Variants in EPHA7 observed in about 807,000 individuals in gnomAD.
EPHA7 encodes the protein ephrin type-A receptor 7.
Under a neutral mutation model 112.6 loss-of-function variants are expected in EPHA7, and 25 were observed. The ratio of observed to expected loss-of-function variants is 0.22; its 90% confidence interval spans 0.16 to 0.31. The LOEUF is 0.31. EPHA7 is among the 10% of genes least tolerant of loss of function. The pLI is 1.00. For synonymous variants in EPHA7, 437 were observed against 406.5 expected (o/e 1.07, Z -0.90); for missense variants, 962 against 1,212.6 (o/e 0.79, Z 3.07).
intron 6 of EPHA7, among the ~76,000 whole-genome samples, chr6:93,270,160 G>A (rs893557381): frequency 1.3e-5 from 2 of 151,434 alleles, no homozygotes; most frequent in African/African-American, 4.8e-5. Context: ...AAACAACCCT[G>A]AATTTCTCAC....
intron 14 of EPHA7, among the ~76,000 whole-genome samples, chr6:93,250,301 T>C (rs1179531823): frequency 6.6e-6 from 1 of 152,148 alleles, no homozygotes; most frequent in Non-Finnish European, 1.5e-5. Context: ...AGTTTTCATT[T>C]ATTAGCCTAG....
chr6:93,300,106 G>A (rs768057394), intron 5 of EPHA7, among the ~76,000 whole-genome samples: 27 of 152,188 alleles, frequency 1.8e-4, no homozygotes, highest in Non-Finnish European at 3.2e-4. Context: ...ACAAACCTGC[G>A]CATGTATCCC....
intron 5 of EPHA7, among the ~76,000 whole-genome samples, chr6:93,332,304 TAATAA>T (rs1774634657): frequency 6.6e-6 from 1 of 151,686 alleles, no homozygotes; most frequent in African/African-American, 2.4e-5. Context: ...ATAAAAATGT[TAATAA>T]AATAAAATAA....
chr6:93,327,967 G>A (rs1183799297), intron 5 of EPHA7, among the ~76,000 whole-genome samples: 4 of 151,422 alleles, frequency 2.6e-5, no homozygotes, highest in African/African-American at 9.7e-5. Context: ...CTAACACAGT[G>A]TGTCCTTGCA....
chr6:93,379,619 C>T (rs16880204), intron 3 of EPHA7, among the ~76,000 whole-genome samples: 21,407 of 151,762 alleles, frequency 0.14, 1,987 homozygotes, highest in Middle Eastern at 0.21. Flanking sequence ...AAGGTTTATA[C>T]GGCCAGTGAT....
intron 3 of EPHA7, among the ~76,000 whole-genome samples, chr6:93,381,530 A>G (rs908798078): frequency 6.6e-6 from 1 of 152,196 alleles, no homozygotes; most frequent in African/African-American, 2.4e-5. Flanking sequence ...TACTTTTGGC[A>G]TCATAATTAA....
At chr6:93,303,765 T>C (rs934132826) in intron 5 of EPHA7, among the ~76,000 whole-genome samples, 3 of 152,150 alleles carry the variant, frequency 2.0e-5, no homozygotes, top group Admixed American at 1.3e-4. Context: ...GGTGAAGTTA[T>C]ATTTCTGAAG....
intron 3 of EPHA7, among the ~76,000 whole-genome samples, chr6:93,404,289 C>T (rs994570026): frequency 2.0e-5 from 3 of 151,912 alleles, no homozygotes; most frequent in Non-Finnish European, 2.9e-5. Flanking sequence ...AAGGTAGAGA[C>T]ACATATTTCG....
chr6:93,292,565 A>T (rs1772436870), intron 5 of EPHA7, among the ~76,000 whole-genome samples: 1 of 152,078 alleles, frequency 6.6e-6, no homozygotes, highest in African/African-American at 2.4e-5. Context: ...ATAAAAGGTT[A>T]TGGAGTACTA....
rs1774934207 is a variant in EPHA7 at position 93,337,509 on chromosome 6, T to C, written c.1324+19208A>G. On this transcript the variant is annotated intron_variant, in intron 5 of 16. Coordinates refer to ENST00000369303, the MANE Select transcript of EPHA7 (RefSeq NM_004440.4). Reference sequence around the variant, plus strand: ...TTTTGTTTACAAGAATGTATAAGTGTCAAAGGAAAGAAAATCTATTTTCAA... The same window carrying C: ...TTTTGTTTACAAGAATGTATAAGTGCCAAAGGAAAGAAAATCTATTTTCAA... Among the ~76,000 whole-genome samples the C allele has an allele frequency of 3.3e-5, 5 of 152,066 alleles. No homozygotes were observed. The South Asian group carries it at 1.0e-3, about 32-fold the overall frequency.
chr6:93,359,854 TAGAGAGAGAG>T (rs57690732), intron 3 of EPHA7, among the ~76,000 whole-genome samples: 5,128 of 125,266 alleles, frequency 0.041, 104 homozygotes, highest in East Asian at 0.081. Flanking sequence ...CAATAGATGA[TAGAGAGAGAG>T]AGAGAGAGAG....
rs1214794029 is a variant in EPHA7, at chr6:93,245,397, A to G, written c.2783T>C (p.Val928Ala). The G allele has an allele frequency of 1.1e-5, 18 of 1,613,654 alleles. No individual in the cohort carries two copies. The highest frequency in any genetic ancestry group is 1.4e-5 in the Non-Finnish European group (16 of 1,179,888). Residue 928 changes from valine (V) to alanine (A), a missense_variant, in exon 16 of 17, where the codon GTT becomes GCT. Physicochemically the swap from Val to Ala is moderately conservative, Grantham distance 64. Coordinates refer to ENST00000369303, the MANE Select transcript of EPHA7 (RefSeq NM_004440.4). ...NTPDFTTFCS[V>A]GEWLQAIKME... ...CTTAATAGCTTGTAGCCATTCTCCA[A>G]CTGAACAAAAGGTAGTGAAATCAGG...
intron 5 of EPHA7, among the ~76,000 whole-genome samples, chr6:93,283,430 G>A (rs990468467): frequency 6.6e-6 from 1 of 151,984 alleles, no homozygotes; most frequent in Admixed American, 6.5e-5. Context: ...TCCACACTGT[G>A]GAAGCTTTTT....
At position 93,369,203 on chromosome 6, in the gene EPHA7, C is replaced by T. The variant is rs956649381; in HGVS notation, c.833-10792G>A. On this transcript the variant is annotated intron_variant, in intron 3 of 16. Coordinates refer to ENST00000369303, the MANE Select transcript of EPHA7 (RefSeq NM_004440.4). ...GGCCACACACACACACACACACACA[C>T]ACACACACACACACTTGCAAGATAC... Among the ~76,000 whole-genome samples, 4 of 151,824 alleles carry T rather than the reference C, an allele frequency of 2.6e-5. No homozygotes were observed. In the East Asian group the frequency reaches 7.7e-4, roughly 29 times the overall value.
chr6:93,409,728 T>C (rs1454195176), intron 3 of EPHA7: 1 of 151,852 alleles, frequency 6.6e-6, no homozygotes, highest in African/African-American at 2.4e-5. Context: ...CCATATGACA[T>C]AGTTTTAAAT....
intron 3 of EPHA7, among the ~76,000 whole-genome samples, chr6:93,394,508 G>C (rs1778069692): frequency 6.6e-6 from 1 of 151,546 alleles, no homozygotes; most frequent in South Asian, 2.1e-4. Flanking sequence ...GTATGATTAG[G>C]TTCAGGAACA....
At chr6:93,416,989 C>G (rs542180722) in intron 1 of EPHA7, among the ~76,000 whole-genome samples, 1 of 152,038 alleles carries the variant, frequency 6.6e-6, no homozygotes, top group South Asian at 2.1e-4. Context: ...CGCCCTCGCT[C>G]GAGAAGGAGT....
At chr6:93,245,165 T>C (rs528284206) in intron 16 of EPHA7, 133 bp downstream of exon 16, 36 of 823,064 alleles carry the variant, frequency 4.4e-5, no homozygotes, top group Admixed American at 1.2e-4. Flanking sequence ...CAGTAAGAAC[T>C]TGTTAAAGAA....
intron 5 of EPHA7, among the ~76,000 whole-genome samples, chr6:93,295,654 G>A (rs1048791405): frequency 6.6e-6 from 1 of 151,670 alleles, no homozygotes; most frequent in African/African-American, 2.4e-5. Context: ...AGGTCATTAA[G>A]ATAGTCTATA....
Sources: gnomAD v4.1 joint callset for allele counts (sites outside exome capture counted in the v4.1 genomes callset) on GRCh38, gnomAD v4.1.1 for gene constraint, MANE v1.5 for transcripts, NCBI Gene and HGNC (gene_info 2026-07-23, HGNC 2026-07-21) for gene names.